Variants in EXT1 observed in about 807,000 individuals in gnomAD.
EXT1 encodes the protein exostosin glycosyltransferase 1, also known as exostosin-1.
A neutral mutation model predicts 82.5 loss-of-function variants in EXT1; 20 were observed. That is an observed-to-expected ratio of 0.24 (90% CI 0.17 to 0.35). The LOEUF is 0.35. Among genes scored for constraint, EXT1 ranks in the 10% least tolerant of loss-of-function variants. The pLI is 1.00. For synonymous variants in EXT1, 348 were observed against 350.8 expected (o/e 0.99, Z 0.09); for missense variants, 757 against 936.5 (o/e 0.81, Z 2.50).
intron 8 of EXT1, among the ~76,000 whole-genome samples, chr8:117,808,963 G>A (rs990146827): frequency 6.6e-6 from 1 of 151,870 alleles, no homozygotes; most frequent in Non-Finnish European, 1.5e-5. Flanking sequence ...CGGCTGAGCT[G>A]GGACATCGAA....
chr8:117,937,167 G>A (rs1814180953), intron 1 of EXT1, among the ~76,000 whole-genome samples: 1 of 152,132 alleles, frequency 6.6e-6, no homozygotes, highest in African/African-American at 2.4e-5. Context: ...TCCCAGAGTG[G>A]CTGTATGTAT....
intron 1 of EXT1, among the ~76,000 whole-genome samples, chr8:118,078,568 A>C (rs1289995338): frequency 1.3e-5 from 2 of 152,160 alleles, no homozygotes; most frequent in Non-Finnish European, 2.9e-5. Context: ...GAAAAAAAAA[A>C]AAAAGCTTAG....
intron 1 of EXT1, among the ~76,000 whole-genome samples, chr8:118,055,199 A>C (rs1816776590): frequency 6.6e-6 from 1 of 152,178 alleles, no homozygotes; most frequent in South Asian, 2.1e-4. Flanking sequence ...ATTGTACATT[A>C]ATTTGCATCT....
intron 1 of EXT1, among the ~76,000 whole-genome samples, chr8:117,974,393 TCATCTG>T (rs917121854): frequency 9.4e-4 from 143 of 152,304 alleles, no homozygotes; most frequent in African/African-American, 3.3e-3. Flanking sequence ...CCATGCTTCC[TCATCTG>T]CTCCATGGCT....
intron 1 of EXT1, among the ~76,000 whole-genome samples, chr8:117,913,312 C>T (rs1375374405): frequency 6.6e-6 from 1 of 152,130 alleles, no homozygotes; most frequent in Non-Finnish European, 1.5e-5. Context: ...TAGAAATTAA[C>T]ATCAAACCAC....
chr8:118,040,787 C>T (rs1223194122), intron 1 of EXT1, among the ~76,000 whole-genome samples: 6 of 152,170 alleles, frequency 3.9e-5, no homozygotes, highest in South Asian at 4.1e-4. Context: ...AAAATGTTTG[C>T]GAATGAGATG....
At chr8:117,973,943 A>C (rs1247016913) in intron 1 of EXT1, among the ~76,000 whole-genome samples, 2 of 140,746 alleles carry the variant, frequency 1.4e-5, no homozygotes, top group African/African-American at 5.5e-5. Flanking sequence ...GGAAGGAAGG[A>C]AGGAAGGAAG....
intron 1 of EXT1, among the ~76,000 whole-genome samples, chr8:117,923,069 A>C (rs989931011): frequency 2.3e-4 from 35 of 152,216 alleles, no homozygotes; most frequent in African/African-American, 8.4e-4. Flanking sequence ...TTGTGCCTGT[A>C]ATCCCAGCAC....
chr8:117,875,051 A>G (rs376128411), intron 1 of EXT1, among the ~76,000 whole-genome samples: 5 of 152,346 alleles, frequency 3.3e-5, no homozygotes, highest in African/African-American at 1.2e-4. Flanking sequence ...CAGTGGCAAT[A>G]GAAATATTGG....
At position 117,934,850 on chromosome 8, in the gene EXT1, A is replaced by T. The variant is rs1270536828; in HGVS notation, c.963-97649T>A. 2.0e-5 allele frequency among the ~76,000 whole-genome samples: 3 copies of T among 152,158 alleles called. No homozygotes were observed. The East Asian group carries it at 5.8e-4, about 29-fold the overall frequency. ...TCTTCCAAGAAAATGGTATGCAGAA[A>T]CTCAGGATAGAAAACCAGTTAGGAG... On this transcript the variant is annotated intron_variant, in intron 1 of 10. Transcript: ENST00000378204.
intron 1 of EXT1, among the ~76,000 whole-genome samples, chr8:117,849,199 C>T (rs1812414940): frequency 6.6e-6 from 1 of 152,242 alleles, no homozygotes. Context: ...ACCTGTGCTC[C>T]TGGCACTCTC....
At chr8:117,860,370 G>A (rs1812660619) in intron 1 of EXT1, among the ~76,000 whole-genome samples, 1 of 152,046 alleles carries the variant, frequency 6.6e-6, no homozygotes, top group Non-Finnish European at 1.5e-5. Context: ...GGTGGAAGGG[G>A]GATGAGAGAA....
intron 1 of EXT1, among the ~76,000 whole-genome samples, chr8:117,979,721 T>C (rs1048093893): frequency 1.3e-5 from 2 of 152,060 alleles, no homozygotes; most frequent in African/African-American, 4.8e-5. Context: ...TGGCCCCTAA[T>C]CTCTACCCTT....
At chr8:117,997,175 G>T (rs1377692422) in intron 1 of EXT1, among the ~76,000 whole-genome samples, 1 of 151,206 alleles carries the variant, frequency 6.6e-6, no homozygotes, top group East Asian at 1.9e-4. Flanking sequence ...TGCATGTCTG[G>T]ACAATTTAAA....
At chr8:118,080,834 G>A (rs886829303) in intron 1 of EXT1, among the ~76,000 whole-genome samples, 30 of 152,120 alleles carry the variant, frequency 2.0e-4, no homozygotes, top group Middle Eastern at 3.2e-3. Flanking sequence ...CTTCAATGCA[G>A]TGGGAAGTCA....
intron 1 of EXT1, among the ~76,000 whole-genome samples, chr8:117,964,609 GTC>G (rs1461486082): frequency 8.6e-6 from 1 of 115,968 alleles, no homozygotes; most frequent in African/African-American, 5.9e-5. Context: ...TGGGTTTTAT[GTC>G]TGTGTGTGTG....
chr8:117,820,219 C>A (rs138573479), intron 5 of EXT1, among the ~76,000 whole-genome samples: 1 of 152,212 alleles, frequency 6.6e-6, no homozygotes, highest in East Asian at 1.9e-4. Context: ...AAATAACTAG[C>A]TAGTGGGAAA....
chr8:118,023,166 T>G (rs1408408367), intron 1 of EXT1, among the ~76,000 whole-genome samples: 1 of 152,174 alleles, frequency 6.6e-6, no homozygotes, highest in Non-Finnish European at 1.5e-5. Flanking sequence ...TAGAATAAAG[T>G]TTACTTTTGT....
At chr8:117,853,453 G>A (rs769838921) in intron 1 of EXT1, among the ~76,000 whole-genome samples, 49 of 152,190 alleles carry the variant, frequency 3.2e-4, no homozygotes, top group Admixed American at 2.0e-4. Context: ...GCTGAGGCAG[G>A]AGAATCACGT....
Sources: allele counts gnomAD v4.1 joint callset (sites outside exome capture counted in the v4.1 genomes callset), GRCh38; gene constraint gnomAD v4.1.1; transcripts MANE v1.5; gene names NCBI Gene and HGNC (gene_info 2026-07-23, HGNC 2026-07-21).